Variants in SNORC observed in about 807,000 individuals in gnomAD.
SNORC encodes secondary ossification center associated regulator of chondrocyte maturation, also known as protein SNORC.
In SNORC, 11 loss-of-function variants were observed where a neutral mutation model predicts 9.7. The observed-to-expected ratio is 1.14, with a 90% CI of 0.72 to 1.88. The LOEUF (loss-of-function observed/expected upper bound fraction) is 1.88, where lower values mean the gene tolerates loss of function less well. Ranked by LOEUF, SNORC falls within the 40% of genes most tolerant of loss-of-function variation. SNORC has a pLI of 0.00. For synonymous variants in SNORC, 108 were observed against 88.7 expected (o/e 1.22, Z -1.22); for missense variants, 197 against 173.1 (o/e 1.14, Z -0.77).
At chr2:232,872,874 G>A (rs1410224884) in intron 1 of SNORC, among the ~76,000 whole-genome samples, 1 of 152,190 alleles carries the variant, frequency 6.6e-6, no homozygotes, top group Admixed American at 6.5e-5. Context: ...GAAGTGCCTC[G>A]GCCCCTCCCT....
At chr2:232,867,049 T>A (rs189825641), upstream of SNORC, among the ~76,000 whole-genome samples, 11 of 152,236 alleles carry the variant, frequency 7.2e-5, 1 homozygote, top group African/African-American at 2.6e-4. Flanking sequence ...CATCTCGGCC[T>A]CCCAAAGTGT....
downstream of SNORC, chr2:232,876,597 C>G (rs1246376111): frequency 1.3e-5 from 15 of 1,111,346 alleles, no homozygotes; most frequent in Non-Finnish European, 1.6e-5. This position sits in a 1 kb window ranked among gnomAD's most constrained non-coding sequence, Gnocchi z 6.8. Context: ...ACAGCATGTC[C>G]GAGCCCGCCT....
chr2:232,876,524 A>G (rs1280207984), downstream of SNORC: 14 of 1,216,616 alleles, frequency 1.2e-5, no homozygotes, highest in South Asian at 3.8e-5. The surrounding 1 kb of genome is among the most constrained non-coding windows in gnomAD (Gnocchi z 6.8). Flanking sequence ...GGTGCCGTGC[A>G]CGCGCGCGGG....
At chr2:232,868,118 A>G (rs535130230), upstream of SNORC, among the ~76,000 whole-genome samples, 125 of 150,046 alleles carry the variant, frequency 8.3e-4, no homozygotes, top group African/African-American at 2.8e-3. Flanking sequence ...TTTTATTCCT[A>G]GGGATCAAAA....
chr2:232,877,276 C>G (rs951807049), downstream of SNORC: 24 of 985,486 alleles, frequency 2.4e-5, no homozygotes, highest in South Asian at 7.5e-4. Context: ...CTCTACTCAC[C>G]TCACTTCACC....
chr2:232,866,760 C>A (rs549995308), upstream of SNORC, among the ~76,000 whole-genome samples: 8 of 152,264 alleles, frequency 5.3e-5, no homozygotes, highest in African/African-American at 1.9e-4. Flanking sequence ...GCCACCCAGG[C>A]TGGAGTGCAG....
chr2:232,870,360 C>G lies in SNORC; in HGVS notation c.19C>G (p.Leu7Val), dbSNP rs200597442. Residue 7 changes from leucine (L) to valine (V), a missense_variant, in exon 1 of 3, where the codon CTG becomes GTG. Coordinates refer to ENST00000331342, the Ensembl canonical transcript of SNORC. ...GGCCAGGATGGCATCCTGTCTGGCCCTGCGCATGGCGCTGCTGCTGGTCTC... is the reference window on the plus strand; with the variant it reads ...GGCCAGGATGGCATCCTGTCTGGCCGTGCGCATGGCGCTGCTGCTGGTCTC... 2.8e-4 allele frequency: 446 copies of G among 1,565,214 alleles called. 2 individuals carry two copies. In the East Asian group the frequency reaches 9.9e-3, roughly 35 times the overall value.
At chr2:232,868,107 G>A (rs1336411020), upstream of SNORC, among the ~76,000 whole-genome samples, 2 of 148,662 alleles carry the variant, frequency 1.3e-5, no homozygotes, top group Admixed American at 6.7e-5. Flanking sequence ...CTGGCTGGCT[G>A]TTTTATTCCT....
In SNORC at chr2:232,876,173, G is replaced by C; in HGVS notation, c.256+51G>C. ...GGAGAGGGAGAAATTAGGAGGGGCG[G>C]GGGGCGGGGGGCGCGGGGAGAAGGG... On this transcript the variant is annotated intron_variant, in intron 2 of 2. Transcript: ENST00000331342. This position sits in a 1 kb window ranked among gnomAD's most constrained non-coding sequence, Gnocchi z 6.8. 1 of 1,281,854 alleles carries C rather than the reference G, an allele frequency of 7.8e-7. No individual in the cohort carries two copies. Among genetic ancestry groups the C allele is most frequent in the Non-Finnish European group, 1.1e-6 (1 of 949,878 alleles). 79.4% of individuals were successfully genotyped at this position (1,281,854 alleles called of 1,614,324 possible). A position where few individuals can be genotyped will look rare whatever the true frequency, so the allele number is the denominator to read the frequency against.
chr2:232,876,205 A>C lies in SNORC; in HGVS notation c.257-42A>C. ...GGGGGCGCGGGGAGAAGGGCCGGCC[A>C]GGCGGGGGCTAGCAGGTGACATGGT... On this transcript the variant is annotated intron_variant, in intron 2 of 2. Coordinates refer to ENST00000331342, the Ensembl canonical transcript of SNORC. The surrounding 1 kb of genome is among the most constrained non-coding windows in gnomAD (Gnocchi z 6.8). 1.4e-6 allele frequency: 2 copies of C among 1,471,220 alleles called. No individual in the cohort carries two copies. The highest frequency in any genetic ancestry group is 1.8e-6 in the Non-Finnish European group (2 of 1,116,752). The allele number at this position is 1,471,220 out of a possible 1,614,324, so 91.1% of individuals were successfully genotyped here. A position where few individuals can be genotyped will look rare whatever the true frequency, so the allele number is the denominator to read the frequency against.
intron 1 of SNORC, among the ~76,000 whole-genome samples, 176 bp downstream of exon 1, chr2:232,870,590 G>T (rs1324464036): frequency 6.6e-6 from 1 of 152,232 alleles, no homozygotes; most frequent in African/African-American, 2.4e-5. Context: ...CAGCTGTGTG[G>T]GATGGACGTC....
At chr2:232,874,788 G>A (rs1691157587) in intron 1 of SNORC, among the ~76,000 whole-genome samples, 1 of 152,258 alleles carries the variant, frequency 6.6e-6, no homozygotes, top group South Asian at 2.1e-4. Flanking sequence ...TCACAGAACG[G>A]CAGCCTCCCT....
At chr2:232,870,404 G>T in exon 1 of SNORC, 2 of 1,569,108 alleles carry the variant, frequency 1.3e-6, no homozygotes, top group Non-Finnish European at 1.7e-6. Flanking sequence ...TGGCCCCTGC[G>T]GTGCTCACAG....
chr2:232,873,322 G>A (rs893055502), intron 1 of SNORC, among the ~76,000 whole-genome samples: 1 of 127,380 alleles, frequency 7.9e-6, no homozygotes, highest in Non-Finnish European at 1.8e-5. Flanking sequence ...GGCCAGGGCA[G>A]GTATGTCTGG....
downstream of SNORC, chr2:232,877,133 G>A (rs1336353765): frequency 2.0e-6 from 2 of 985,752 alleles, no homozygotes; most frequent in Non-Finnish European, 2.4e-6. Flanking sequence ...AGCCTCAGGA[G>A]CAGGATGAGT....
upstream of SNORC, among the ~76,000 whole-genome samples, chr2:232,867,357 T>C (rs1341098996): frequency 1.3e-5 from 2 of 152,196 alleles, no homozygotes; most frequent in Non-Finnish European, 2.9e-5. Context: ...TAGAGTTCTA[T>C]ATGTGTTAGC....
downstream of SNORC, chr2:232,876,504 G>A (rs1691252585): frequency 2.3e-6 from 3 of 1,283,786 alleles, no homozygotes; most frequent in South Asian, 7.5e-5. The surrounding 1 kb of genome is among the most constrained non-coding windows in gnomAD (Gnocchi z 6.8). Flanking sequence ...TGCGCGCGGG[G>A]CCGAGGGTGG....
chr2:232,877,208 G>T, downstream of SNORC: 1 of 985,476 alleles, frequency 1.0e-6, no homozygotes. Context: ...CTGGCTGGGG[G>T]CCGGCAGCCC....
chr2:232,870,253 C>T, upstream of SNORC: 1 of 1,222,428 alleles, frequency 8.2e-7, no homozygotes, highest in Non-Finnish European at 1.2e-6. Flanking sequence ...CCCTTCCCAG[C>T]CCTTTGATGC....
Sources: allele counts gnomAD v4.1 joint callset (sites outside exome capture counted in the v4.1 genomes callset), GRCh38; gene constraint gnomAD v4.1.1; non-coding constraint Gnocchi (gnomAD v3.1); transcripts MANE v1.5; gene names NCBI Gene and HGNC (gene_info 2026-07-23, HGNC 2026-07-21).